The following MEGF11 variants were observed in gnomAD, a reference collection of about 807,000 sequenced individuals.
MEGF11 encodes multiple EGF like domains 11, also known as multiple epidermal growth factor-like domains protein 11.
In MEGF11, 126 loss-of-function variants were observed where a neutral mutation model predicts 146.6. The observed-to-expected ratio is 0.86, with a 90% CI of 0.74 to 1.00. MEGF11 has a LOEUF of 1.00. Ranked by LOEUF, MEGF11 falls within the 50% of genes least tolerant of loss-of-function variation. The probability of loss-of-function intolerance (pLI) is 0.00; values close to 1 mark genes in which losing one functional copy is unlikely to be tolerated. For synonymous variants in MEGF11, 532 were observed against 583.4 expected (o/e 0.91, Z 1.27); for missense variants, 1,509 against 1,521.2 (o/e 0.99, Z 0.13).
intron 5 of MEGF11, among the ~76,000 whole-genome samples, chr15:66,060,010 G>C (rs951505620): frequency 6.6e-6 from 1 of 152,048 alleles, no homozygotes; most frequent in Non-Finnish European, 1.5e-5. Flanking sequence ...GGCAGTGGGT[G>C]GGGGAGCATT....
intron 10 of MEGF11, among the ~76,000 whole-genome samples, 180 bp downstream of exon 10, chr15:65,957,367 G>A (rs931995215): frequency 6.6e-6 from 1 of 152,184 alleles, no homozygotes. Flanking sequence ...ATTATTTTTA[G>A]TATTACAAAC....
intron 1 of MEGF11, among the ~76,000 whole-genome samples, chr15:66,145,214 C>T (rs1328887036): frequency 6.6e-6 from 1 of 152,188 alleles, no homozygotes; most frequent in African/African-American, 2.4e-5. Flanking sequence ...CTCCCTCCCT[C>T]TCCCTCTTCT....
chr15:66,036,922 C>G (rs72742890), intron 5 of MEGF11, among the ~76,000 whole-genome samples: 252 of 152,316 alleles, frequency 1.7e-3, no homozygotes, highest in South Asian at 2.7e-3. Flanking sequence ...TCTTTCTTCC[C>G]TGCTTCCCTG....
Position 65,912,067 on chromosome 15 carries a change from TC to T in MEGF11, c.2829+14del, listed in dbSNP as rs888708913. ...AGGGCAGTGAGTGGGGGCTGGGGAA[TC>T]AGGGGCCCGGTACCTTGGTGGGGCT... On this transcript the variant is annotated intron_variant, in intron 21 of 25. Transcript: ENST00000395614. The T allele has an allele frequency of 1.7e-5, 21 of 1,224,840 alleles. No individual in the cohort carries two copies. The South Asian group carries it at 3.7e-4, about 22-fold the overall frequency. 75.9% of individuals were successfully genotyped at this position (1,224,840 alleles called of 1,614,324 possible).
At chr15:66,071,214 C>T (rs1337740701) in intron 5 of MEGF11, among the ~76,000 whole-genome samples, 1 of 152,216 alleles carries the variant, frequency 6.6e-6, no homozygotes, top group Non-Finnish European at 1.5e-5. Flanking sequence ...TGTTCAGGCC[C>T]TGATGACTAT....
intron 5 of MEGF11, among the ~76,000 whole-genome samples, chr15:66,042,678 C>A (rs370333401): frequency 2.0e-4 from 30 of 152,188 alleles, no homozygotes; most frequent in African/African-American, 5.3e-4. Context: ...CCTGTTAGGG[C>A]AGTCCCTCCT....
chr15:66,243,820 T>C (rs1755635133), intron 1 of MEGF11, among the ~76,000 whole-genome samples: 1 of 152,128 alleles, frequency 6.6e-6, no homozygotes, highest in African/African-American at 2.4e-5. Context: ...TGAGAAAAGA[T>C]AGGCCCTAGA....
Position 66,122,769 on chromosome 15 carries a change from T to TTTTTGTTTTG in MEGF11, c.200+1120_200+1129dup, listed in dbSNP as rs56098342. 3.2e-4 allele frequency among the ~76,000 whole-genome samples: 48 copies of TTTTTGTTTTG among 150,708 alleles called. 1 individual carries two copies. The highest frequency in any genetic ancestry group is 2.0e-4 in the Admixed American group (3 of 15,108). ...AGGTAGAACAAGGTTTATTAAGGCT[T>TTTTTGTTTTG]TTTTGTTTTGTTTTGTTTTGTTTTT... On this transcript the variant is annotated intron_variant, in intron 3 of 25. Transcript: ENST00000395614.
chr15:66,086,745 A>G (rs951339498), intron 5 of MEGF11, among the ~76,000 whole-genome samples: 2 of 152,236 alleles, frequency 1.3e-5, no homozygotes, highest in African/African-American at 4.8e-5. Context: ...ATAAAACAAA[A>G]ATACAAGTTA....
intron 5 of MEGF11, among the ~76,000 whole-genome samples, chr15:66,037,965 G>A (rs900837376): frequency 2.6e-5 from 4 of 152,186 alleles, no homozygotes; most frequent in African/African-American, 9.7e-5. Flanking sequence ...AACAGGAAAT[G>A]TAAAAACAAC....
chr15:66,248,605 C>T (rs1531495), intron 1 of MEGF11, among the ~76,000 whole-genome samples: 12,202 of 152,254 alleles, frequency 0.08, 1,576 homozygotes, highest in African/African-American at 0.28. Context: ...CACTGATTAT[C>T]TTTAAGTTTC....
intron 5 of MEGF11, among the ~76,000 whole-genome samples, chr15:66,004,366 G>C (rs916612177): frequency 2.0e-5 from 3 of 152,084 alleles, no homozygotes; most frequent in African/African-American, 7.2e-5. Flanking sequence ...GGGAGAAAGA[G>C]AGGGAGGATA....
chr15:65,923,012 A>C, intron 13 of MEGF11, 43 bp from the exon 14 acceptor site: 1 of 1,597,702 alleles, frequency 6.3e-7, no homozygotes, highest in South Asian at 1.1e-5. Context: ...AAGAGAGGTG[A>C]GGATGAAGGG....
intron 1 of MEGF11, among the ~76,000 whole-genome samples, chr15:66,244,938 T>G (rs889019808): frequency 6.6e-6 from 1 of 152,140 alleles, no homozygotes; most frequent in Non-Finnish European, 1.5e-5. Flanking sequence ...TATATCCAAC[T>G]GGGAAGACAA....
chr15:66,020,563 C>T (rs2083075698), intron 5 of MEGF11, among the ~76,000 whole-genome samples: 1 of 152,198 alleles, frequency 6.6e-6, no homozygotes, highest in Admixed American at 6.5e-5. Context: ...TGAAGCCTGT[C>T]TTTCCAATTC....
At chr15:66,034,877 G>A (rs762585400) in intron 5 of MEGF11, among the ~76,000 whole-genome samples, 5 of 152,186 alleles carry the variant, frequency 3.3e-5, no homozygotes, top group Non-Finnish European at 7.3e-5. Flanking sequence ...TGTTACAGGA[G>A]TGGGTTCATT....
intron 5 of MEGF11, among the ~76,000 whole-genome samples, chr15:66,013,596 C>A (rs1474296150): frequency 6.6e-6 from 1 of 152,168 alleles, no homozygotes; most frequent in African/African-American, 2.4e-5. Context: ...CTTGCCATAT[C>A]CCCACAGTGA....
chr15:66,182,862 C>T (rs140701148), intron 1 of MEGF11, among the ~76,000 whole-genome samples: 4 of 152,260 alleles, frequency 2.6e-5, no homozygotes, highest in South Asian at 4.2e-4. Context: ...GTTCCACCCA[C>T]GGGGATGAAG....
intron 1 of MEGF11, among the ~76,000 whole-genome samples, chr15:66,160,846 T>A (rs900028569): frequency 5.9e-5 from 9 of 152,008 alleles, no homozygotes; most frequent in African/African-American, 2.2e-4. Flanking sequence ...GGGAAGGGAA[T>A]CCAGTATGCC....
Sources: allele counts gnomAD v4.1 joint callset (sites outside exome capture counted in the v4.1 genomes callset), GRCh38; gene constraint gnomAD v4.1.1; transcripts MANE v1.5; gene names NCBI Gene and HGNC (gene_info 2026-07-23, HGNC 2026-07-21).